The following SEL1L2 variants were observed in gnomAD, a reference collection of about 807,000 sequenced individuals.
The protein encoded by SEL1L2 is SEL1L2 adaptor subunit of SYVN1 ubiquitin ligase.
A neutral mutation model predicts 98.8 loss-of-function variants in SEL1L2; 89 were observed. That is an observed-to-expected ratio of 0.90 (90% CI 0.76 to 1.07). The LOEUF (loss-of-function observed/expected upper bound fraction) is 1.07. Among genes scored for constraint, SEL1L2 ranks in the 50% least tolerant of loss-of-function variants. SEL1L2 has a pLI of 0.00. For missense variants in SEL1L2, 788 were observed against 812.0 expected (o/e 0.97, Z 0.36); for synonymous variants, 262 against 278.5 (o/e 0.94, Z 0.59).
intron 12 of SEL1L2, among the ~76,000 whole-genome samples, chr20:13,871,819 T>C: frequency 6.6e-6 from 1 of 152,080 alleles, no homozygotes; most frequent in South Asian, 2.1e-4. Flanking sequence ...GCCGACCAAC[T>C]GACTTTGATT....
At chr20:13,851,871 G>A (rs748406191) in intron 18 of SEL1L2, among the ~76,000 whole-genome samples, 10 of 151,836 alleles carry the variant, frequency 6.6e-5, no homozygotes, top group Non-Finnish European at 1.2e-4. Context: ...GGGGGTGGGG[G>A]TGATGTCTTC....
intron 3 of SEL1L2, among the ~76,000 whole-genome samples, chr20:13,919,330 C>T (rs950088967): frequency 4.6e-5 from 7 of 152,014 alleles, no homozygotes; most frequent in Admixed American, 6.6e-5. Flanking sequence ...AAACTTATTC[C>T]CTGCTGGTTT....
intron 1 of SEL1L2, among the ~76,000 whole-genome samples, chr20:13,985,481 C>G (rs753658273): frequency 1.1e-4 from 16 of 152,304 alleles, no homozygotes; most frequent in Non-Finnish European, 2.2e-4. Context: ...ACTCCACACA[C>G]CATTAGAATT....
At chr20:13,959,257 T>C (rs976196988) in intron 1 of SEL1L2, among the ~76,000 whole-genome samples, 1 of 152,166 alleles carries the variant, frequency 6.6e-6, no homozygotes, top group African/African-American at 2.4e-5. Context: ...GGATTTTATA[T>C]GACAACCAGT....
intron 18 of SEL1L2, among the ~76,000 whole-genome samples, chr20:13,852,102 A>G (rs1988357135): frequency 6.6e-6 from 1 of 152,212 alleles, no homozygotes; most frequent in Non-Finnish European, 1.5e-5. Flanking sequence ...TGCAGATGAT[A>G]ACAGCTTTCA....
intron 2 of SEL1L2, among the ~76,000 whole-genome samples, chr20:13,937,370 T>TG: frequency 6.6e-6 from 1 of 152,162 alleles, no homozygotes; most frequent in South Asian, 2.1e-4. Flanking sequence ...ACATGCGCAC[T>TG]GGGGGAAGTG....
intron 18 of SEL1L2, among the ~76,000 whole-genome samples, chr20:13,858,413 G>T (rs1439865806): frequency 6.6e-6 from 1 of 151,820 alleles, no homozygotes; most frequent in African/African-American, 2.4e-5. Context: ...TTCAAATTCT[G>T]GCTCCACCAT....
chr20:13,965,757 A>T (rs2051011160), intron 1 of SEL1L2, among the ~76,000 whole-genome samples: 1 of 152,118 alleles, frequency 6.6e-6, no homozygotes, highest in African/African-American at 2.4e-5. Context: ...GATCAAGACC[A>T]TCCTGGCCAA....
Position 13,956,112 on chromosome 20 carries a change from A to G in SEL1L2, c.78T>C (p.His26=). The part of the protein sequence containing the change: ...VTIKTIKAEE[H]NKRQKERNVT... ...CATTTCTTTCCTTTTGTCTTTTATT[A>G]TGTTCCTCTGCTTTGATAGCTGCAA... is the stretch of plus-strand genomic sequence containing the variant. The change falls in exon 2 of 20, where the codon CAT becomes CAC. Residue 26 remains histidine (H), a synonymous_variant. Coordinates refer to ENST00000284951, the MANE Select transcript of SEL1L2 (RefSeq NM_025229.2). The G allele has an allele frequency of 6.4e-7, 1 of 1,560,516 alleles. No homozygotes were observed. Among genetic ancestry groups the G allele is most frequent in the South Asian group, 1.2e-5 (1 of 83,926 alleles).
intron 5 of SEL1L2, among the ~76,000 whole-genome samples, chr20:13,895,617 G>A (rs907011189): frequency 4.6e-5 from 7 of 152,130 alleles, no homozygotes; most frequent in South Asian, 2.1e-4. Context: ...ATAAAAGGCC[G>A]TATATAAAAG....
chr20:13,917,786 C>CT lies in SEL1L2; in HGVS notation c.386+1234dup, dbSNP rs5840588. 4.5e-3 allele frequency among the ~76,000 whole-genome samples: 227 copies of CT among 50,056 alleles called. 6 individuals carry two copies. Among genetic ancestry groups the CT allele is most frequent in the African/African-American group, 7.2e-3 (79 of 11,004 alleles). The allele number at this position is 50,056 out of a possible 152,430, so 32.8% of individuals were successfully genotyped here. ...CCATACTTTCTTTATTTCTTTCTTT[C>CT]TTTTTTTTTTTTTTTTTTTTTTTTT... On this transcript the variant is annotated intron_variant, in intron 4 of 19. Transcript: ENST00000284951.
intron 15 of SEL1L2, 44 bp from the exon 16 acceptor site, chr20:13,865,558 G>A (rs752384960): frequency 4.6e-6 from 7 of 1,521,362 alleles, no homozygotes; most frequent in Non-Finnish European, 5.4e-6. Context: ...TAGCCAGTAT[G>A]CTTCACCCCA....
chr20:13,849,666 C>T (rs565701115), intron 19 of SEL1L2, 62 bp from the exon 20 acceptor site: 1 of 1,584,056 alleles, frequency 6.3e-7, no homozygotes, highest in South Asian at 1.2e-5. Context: ...TCAGAGCCAC[C>T]ATCTCTTCCC....
chr20:13,935,564 A>G (rs2049409541), intron 2 of SEL1L2, among the ~76,000 whole-genome samples: 1 of 152,202 alleles, frequency 6.6e-6, no homozygotes, highest in Non-Finnish European at 1.5e-5. Context: ...TGGCAAACGC[A>G]AAGGCGCTGA....
chr20:13,988,203 G>T (rs75093272), intron 1 of SEL1L2, among the ~76,000 whole-genome samples: 1,878 of 152,000 alleles, frequency 0.012, 44 homozygotes, highest in East Asian at 0.075. Flanking sequence ...ATTTATTTTT[G>T]GTTTAATTTT....
In SEL1L2 at chr20:13,855,049, CAAAAA is replaced by C. The variant is rs71188190; in HGVS notation, c.1818+4208_1818+4212del. Among the ~76,000 whole-genome samples, 79 of 81,092 alleles carry C rather than the reference CAAAAA, an allele frequency of 9.7e-4. 1 individual carries two copies. In the East Asian group the frequency reaches 0.025, roughly 26 times the overall value. The allele number at this position is 81,092 out of a possible 152,430, so 53.2% of individuals were successfully genotyped here. ...CTGGTGACAGAGCGAGACTCCGTCTCAAAAAAAAAAAAAAAAAAAAAAAAATCTGG... is the reference window on the plus strand; with the variant it reads ...CTGGTGACAGAGCGAGACTCCGTCTCAAAAAAAAAAAAAAAAAAAATCTGG... On this transcript the variant is annotated intron_variant, in intron 18 of 19. Coordinates refer to ENST00000284951, the MANE Select transcript of SEL1L2 (RefSeq NM_025229.2).
intron 5 of SEL1L2, among the ~76,000 whole-genome samples, chr20:13,904,354 C>A (rs1010732150): frequency 6.6e-6 from 1 of 152,090 alleles, no homozygotes; most frequent in Non-Finnish European, 1.5e-5. Flanking sequence ...CGTGGTGAAA[C>A]CCTGTCTCTA....
chr20:13,866,774 A>G lies in SEL1L2; in HGVS notation c.1332T>C (p.Leu444=), dbSNP rs660710. ...FYLASQSGQP[L]AIYYLAKMYA... is the part of the protein sequence containing the mutation. ...ACATCTTGGCCAGATAATAAATGGC[A>G]AGGGGCTGCCCACTCTGAGATGCCA... The change falls in exon 15 of 20, where the codon CTT becomes CTC. Residue 444 remains leucine (L), a synonymous_variant. Transcript: ENST00000284951. 1,591,692 of 1,613,230 alleles carry G rather than the reference A, an allele frequency of 0.99. 785,248 individuals are homozygous for G. Among genetic ancestry groups the G allele is most frequent in the East Asian group, 1 (44,811 of 44,812 alleles).
At chr20:13,887,179 A>AAT (rs2046996420) in intron 8 of SEL1L2, among the ~76,000 whole-genome samples, 2 of 152,212 alleles carry the variant, frequency 1.3e-5, no homozygotes. Context: ...TGCAGTTTGA[A>AAT]ATATATATAG....
Sources: allele counts gnomAD v4.1 joint callset (sites outside exome capture counted in the v4.1 genomes callset), GRCh38; gene constraint gnomAD v4.1.1; transcripts MANE v1.5; gene names NCBI Gene and HGNC (gene_info 2026-07-23, HGNC 2026-07-21).